The following RBFOX1 variants were observed in gnomAD, a reference collection of about 807,000 sequenced individuals.
The protein encoded by RBFOX1 is RNA binding fox-1 homolog 1, also known as RNA binding protein fox-1 homolog 1.
Under a neutral mutation model 57.7 loss-of-function variants are expected in RBFOX1, and 8 were observed. That is an observed-to-expected ratio of 0.14 (90% confidence interval 0.08 to 0.25). The LOEUF is 0.25. RBFOX1 is among the 10% of genes least tolerant of loss of function. The pLI, the probability that RBFOX1 is intolerant of heterozygous loss-of-function variation, is 1.00. For synonymous variants in RBFOX1, 326 were observed against 222.4 expected, an observed-to-expected ratio of 1.47 and a Z score of -4.15; for missense variants, 611 against 548.5, an observed-to-expected ratio of 1.11 and a Z score of -1.14.
intron 9 of RBFOX1, 95 bp downstream of exon 9, chr16:7,597,526 C>T: frequency 1.8e-6 from 2 of 1,142,374 alleles, no homozygotes; most frequent in South Asian, 1.5e-5. Flanking sequence ...CTGTGTTTGC[C>T]TGGGCATTGA....
At chr16:5,906,704 G>A (rs560181873) in intron 4 of RBFOX1, among the ~76,000 whole-genome samples, 32 of 149,054 alleles carry the variant, frequency 2.1e-4, no homozygotes, top group African/African-American at 6.5e-4. Flanking sequence ...CCCAGCAGCC[G>A]CTGAAGCCAT....
chr16:7,509,795 G>A (rs752021012), intron 4 of RBFOX1, among the ~76,000 whole-genome samples: 16 of 151,926 alleles, frequency 1.1e-4, no homozygotes, highest in Non-Finnish European at 1.9e-4. Context: ...ATCCCTGAAT[G>A]TTTGCCCTCC....
chr16:7,156,355 A>G (rs994678083), intron 4 of RBFOX1, among the ~76,000 whole-genome samples: 15 of 151,894 alleles, frequency 9.9e-5, no homozygotes, highest in African/African-American at 2.4e-5. Context: ...CTGTACATAT[A>G]CATGCACATA....
intron 4 of RBFOX1, among the ~76,000 whole-genome samples, chr16:7,281,422 T>C (rs1477973850): frequency 6.6e-6 from 1 of 152,076 alleles, no homozygotes; most frequent in Non-Finnish European, 1.5e-5. Context: ...AACACTTGCC[T>C]GCTTTGTACT....
chr16:6,266,988 C>G (rs1342336451), intron 1 of RBFOX1, among the ~76,000 whole-genome samples: 1 of 152,080 alleles, frequency 6.6e-6, no homozygotes, highest in Non-Finnish European at 1.5e-5. Context: ...TGGAGCAGTG[C>G]AAAGAGATTT....
At chr16:6,849,613 G>A (rs1038118178) in intron 3 of RBFOX1, among the ~76,000 whole-genome samples, 3 of 152,160 alleles carry the variant, frequency 2.0e-5, no homozygotes, top group African/African-American at 7.2e-5. Flanking sequence ...AGGTTTCAGT[G>A]AGCTGAGATT....
chr16:6,118,649 TCTTTCC>T (rs1323550764), intron 1 of RBFOX1, among the ~76,000 whole-genome samples: 4 of 151,212 alleles, frequency 2.6e-5, no homozygotes, highest in Admixed American at 1.3e-4. Flanking sequence ...TCTTTCTTTC[TCTTTCC>T]CTCTCCTTCC....
At chr16:6,803,779 A>T (rs143810113) in intron 3 of RBFOX1, among the ~76,000 whole-genome samples, 69 of 152,302 alleles carry the variant, frequency 4.5e-4, no homozygotes, top group African/African-American at 1.5e-3. Flanking sequence ...TAAGATTCAT[A>T]AGGAATGTTC....
chr16:7,475,077 A>G (rs537191972), intron 4 of RBFOX1, among the ~76,000 whole-genome samples: 1 of 152,286 alleles, frequency 6.6e-6, no homozygotes, highest in East Asian at 1.9e-4. Context: ...TTGAGAGTTC[A>G]GAAGAGTTTA....
chr16:5,739,167 T>C (rs1422014677), intron 3 of RBFOX1, among the ~76,000 whole-genome samples: 1 of 152,250 alleles, frequency 6.6e-6, no homozygotes, highest in Non-Finnish European at 1.5e-5. Context: ...GTGCCCCTTT[T>C]GCACATAGAA....
chr16:6,727,335 C>G (rs774133346), intron 3 of RBFOX1, among the ~76,000 whole-genome samples: 7 of 152,028 alleles, frequency 4.6e-5, no homozygotes, highest in African/African-American at 1.7e-4. Flanking sequence ...TGCTTTTGCA[C>G]CAACCTAATA....
intron 2 of RBFOX1, among the ~76,000 whole-genome samples, chr16:5,557,662 T>G (rs1215002644): frequency 6.6e-6 from 1 of 152,074 alleles, no homozygotes; most frequent in East Asian, 1.9e-4. Flanking sequence ...TGTGATCTAG[T>G]TCTTAGAAAC....
chr16:5,646,313 C>G (rs1194084740), intron 3 of RBFOX1, among the ~76,000 whole-genome samples: 1 of 151,780 alleles, frequency 6.6e-6, no homozygotes, highest in Admixed American at 6.6e-5. Flanking sequence ...GTGTCAACCA[C>G]TGTGTTGTGG....
intron 3 of RBFOX1, among the ~76,000 whole-genome samples, chr16:6,811,623 C>G (rs578081491): frequency 2.6e-5 from 4 of 152,128 alleles, no homozygotes; most frequent in Non-Finnish European, 4.4e-5. Context: ...GTTACGGTGC[C>G]TCAGGTCTGT....
intron 3 of RBFOX1, among the ~76,000 whole-genome samples, chr16:6,926,638 G>T (rs950047579): frequency 6.6e-6 from 1 of 152,160 alleles, no homozygotes; most frequent in South Asian, 2.1e-4. Context: ...AGGTGTAGAA[G>T]ACACAGCTTT....
chr16:6,976,922 G>C (rs1381951372), intron 3 of RBFOX1, among the ~76,000 whole-genome samples: 1 of 141,284 alleles, frequency 7.1e-6, no homozygotes, highest in Non-Finnish European at 1.5e-5. Context: ...CACATATATT[G>C]TATATTATAT....
chr16:6,929,384 C>T (rs9635543), intron 3 of RBFOX1, among the ~76,000 whole-genome samples: 1 of 152,140 alleles, frequency 6.6e-6, no homozygotes, highest in Admixed American at 6.5e-5. Context: ...TCACCATTGT[C>T]AAAATGACAT....
In RBFOX1 at chr16:6,964,848, C is replaced by A. The variant is rs145860735; in HGVS notation, c.-15-87209C>A. On this transcript the variant is annotated intron_variant, in intron 3 of 15. Coordinates refer to ENST00000550418, the MANE Select transcript of RBFOX1 (RefSeq NM_018723.4). ...AAGAGCCTGGTTGAAATCCCTGCTC[C>A]CAGCTCCTTGCTGTGTGACCCTGGG... 6.0e-3 allele frequency among the ~76,000 whole-genome samples: 913 copies of A among 152,220 alleles called. 9 individuals are homozygous for A. The highest frequency in any genetic ancestry group is 0.02 in the African/African-American group (838 of 41,540).
At chr16:5,905,120 T>C (rs1393491301) in intron 4 of RBFOX1, among the ~76,000 whole-genome samples, 8 of 127,520 alleles carry the variant, frequency 6.3e-5, no homozygotes, top group Non-Finnish European at 1.3e-4. Context: ...CAGGCTGGAG[T>C]GCAATGGTAC....
Sources: gnomAD v4.1 joint callset for allele counts (sites outside exome capture counted in the v4.1 genomes callset) on GRCh38, gnomAD v4.1.1 for gene constraint, MANE v1.5 for transcripts, NCBI Gene and HGNC (gene_info 2026-07-23, HGNC 2026-07-21) for gene names.